SPECC1L: variants seen among roughly 807,000 people sequenced by gnomAD.
SPECC1L encodes the protein sperm antigen with calponin homology and coiled-coil domains 1 like, also known as cytospin-A.
A neutral mutation model predicts 116.8 loss-of-function variants in SPECC1L; 40 were observed. The observed-to-expected ratio is 0.34, with a 90% confidence interval of 0.27 to 0.45. The LOEUF is 0.45. Ranked by LOEUF, SPECC1L falls within the 20% of genes least tolerant of loss-of-function variation. SPECC1L has a pLI of 1.00. For synonymous variants in SPECC1L, 504 were observed against 500.6 expected (o/e 1.01, Z -0.09); for missense variants, 1,110 against 1,373.6 (o/e 0.81, Z 3.03).
At chr22:24,339,875 C>G (rs1038626253) in intron 10 of SPECC1L, among the ~76,000 whole-genome samples, 4 of 152,040 alleles carry the variant, frequency 2.6e-5, no homozygotes, top group Non-Finnish European at 5.9e-5. Context: ...ACCTCTGCCT[C>G]CCAGGCCCAA....
intron 1 of SPECC1L, among the ~76,000 whole-genome samples, chr22:24,271,634 A>G (rs2048729296): frequency 6.6e-6 from 1 of 152,266 alleles, no homozygotes; most frequent in African/African-American, 2.4e-5. Context: ...AGTCTAAGAC[A>G]TCATAGTCGC....
intron 11 of SPECC1L, among the ~76,000 whole-genome samples, chr22:24,351,734 C>G (rs2041428315): frequency 6.6e-6 from 1 of 152,184 alleles, no homozygotes; most frequent in Admixed American, 6.5e-5. Flanking sequence ...CTGTGGTTTT[C>G]CAAATTGTGA....
At chr22:24,313,994 C>T (rs954659320) in intron 4 of SPECC1L, among the ~76,000 whole-genome samples, 11 of 152,118 alleles carry the variant, frequency 7.2e-5, no homozygotes, top group African/African-American at 9.7e-5. Flanking sequence ...GCCTTGGCCT[C>T]CCAAAGTGTT....
At chr22:24,350,753 A>G (rs984081961) in intron 11 of SPECC1L, among the ~76,000 whole-genome samples, 1 of 152,198 alleles carries the variant, frequency 6.6e-6, no homozygotes, top group Non-Finnish European at 1.5e-5. Flanking sequence ...AGTTCTGTCA[A>G]TAGTCAGCCT....
chr22:24,325,701 G>A lies in SPECC1L; in HGVS notation c.2146+1274G>A, dbSNP rs56135049. Among the ~76,000 whole-genome samples, 1,125 of 152,118 alleles carry A rather than the reference G, an allele frequency of 7.4e-3. 5 individuals carry two copies. Among genetic ancestry groups the A allele is most frequent in the South Asian group, 0.013 (61 of 4,820 alleles). ...GGTCAATAAAGAGAAAAAGAGCAAA[G>A]GAATGAATGCAACTTGAGAATTTAT... On this transcript the variant is annotated intron_variant, in intron 6 of 16. Transcript: ENST00000314328.
At chr22:24,412,534 C>T in intron 15 of SPECC1L, 114 bp from the exon 16 acceptor site, 1 of 946,094 alleles carries the variant, frequency 1.1e-6, no homozygotes, top group Non-Finnish European at 1.7e-6. Flanking sequence ...TGTTGTGGCA[C>T]CAGGTAGAGG....
At chr22:24,302,536 C>G (rs1197338145) in intron 3 of SPECC1L, 152 bp downstream of exon 3, 1 of 979,000 alleles carries the variant, frequency 1.0e-6, no homozygotes, top group Admixed American at 1.9e-5. Context: ...TGGGGTGGAC[C>G]TAATTGCTGT....
chr22:24,279,594 T>C (rs543156960), intron 2 of SPECC1L, among the ~76,000 whole-genome samples: 3 of 151,910 alleles, frequency 2.0e-5, no homozygotes, highest in Non-Finnish European at 4.4e-5. Flanking sequence ...TTATTTATTA[T>C]TTTAGAAACA....
intron 11 of SPECC1L, among the ~76,000 whole-genome samples, chr22:24,349,880 T>C (rs1051700334): frequency 3.9e-5 from 6 of 152,218 alleles, no homozygotes; most frequent in Non-Finnish European, 8.8e-5. Flanking sequence ...TTCTTGACAC[T>C]GTAGCTTGAA....
chr22:24,295,991 G>C (rs2049254198), intron 2 of SPECC1L, among the ~76,000 whole-genome samples: 1 of 152,196 alleles, frequency 6.6e-6, no homozygotes, highest in Non-Finnish European at 1.5e-5. Context: ...CATTGGACAA[G>C]TAGACAAATC....
At position 24,328,897 on chromosome 22, in the gene SPECC1L, A is replaced by C. The variant is rs1242094125; in HGVS notation, c.2198A>C (p.Lys733Thr). Residue 733 changes from lysine (K) to threonine (T), a missense_variant, in exon 7 of 17, where the codon AAG becomes ACG. Transcript: ENST00000314328. ...AAGCACGACATGGAAAGAGAAATAA[A>C]GACACTCCACAGAAGACTTCGGGTA... ...DQKHDMEREI[K>T]TLHRRLREES... is the part of the protein sequence containing the mutation. 6.2e-7 allele frequency: 1 copy of C among 1,613,640 alleles called. No individual in the cohort carries two copies. The highest frequency in any genetic ancestry group is 8.5e-7 in the Non-Finnish European group (1 of 1,179,708).
In SPECC1L at chr22:24,322,145, A is replaced by C; in HGVS notation, c.1165A>C (p.Ser389Arg). The change falls in exon 5 of 17, where the codon AGT becomes CGT. Residue 389 changes from serine (S) to arginine (R), a missense_variant. Physicochemically the swap from Ser to Arg is moderately radical, Grantham distance 110. This residue lies in a region of SPECC1L where 437 missense variants were observed against 482.6 expected (regional missense o/e 0.91). Coordinates refer to ENST00000314328, the MANE Select transcript of SPECC1L (RefSeq NM_015330.6). ...CCGGAAGGGGAGCAGCGGGAATGCC[A>C]GTGAAGTGTCCGTGGCTTGCCTGAC... ...RSRKGSSGNA[S>R]EVSVACLTER... is the part of the protein sequence containing the mutation. The C allele has an allele frequency of 6.2e-7, 1 of 1,614,014 alleles. No individual in the cohort carries two copies. The highest frequency in any genetic ancestry group is 8.5e-7 in the Non-Finnish European group (1 of 1,180,042).
At chr22:24,327,296 A>AAAAAAAAAAAAAAAAAAAC (rs1556236760) in intron 6 of SPECC1L, among the ~76,000 whole-genome samples, 4 of 150,064 alleles carry the variant, frequency 2.7e-5, no homozygotes, top group South Asian at 2.1e-4. Flanking sequence ...AAAAAAAAAA[A>AAAAAAAAAAAAAAAAAAAC]AAAAAACATC....
Position 24,417,427 on chromosome 22 carries a change from G to T in SPECC1L, c.*2804G>T, listed in dbSNP as rs973603435. ...TGGGCAGATCCTGACCAGGAGTCCA[G>T]GGTGGCCTCCCCTGGGCCACAGCAC... On this transcript the variant is annotated 3_prime_UTR_variant, in exon 17 of 17. Coordinates refer to ENST00000314328, the MANE Select transcript of SPECC1L (RefSeq NM_015330.6). 3.3e-5 allele frequency: 5 copies of T among 152,300 alleles called. No individual in the cohort carries two copies. The highest frequency in any genetic ancestry group is 7.3e-5 in the Non-Finnish European group (5 of 68,052). 9.4% of individuals were successfully genotyped at this position (152,300 alleles called of 1,614,324 possible).
chr22:24,368,801 C>T (rs1293258725), intron 13 of SPECC1L, among the ~76,000 whole-genome samples: 1 of 152,170 alleles, frequency 6.6e-6, no homozygotes, highest in Admixed American at 6.5e-5. Flanking sequence ...CACCCGCCAC[C>T]ATGCCCAGCT....
At chr22:24,318,583 G>A (rs1326845676) in intron 4 of SPECC1L, among the ~76,000 whole-genome samples, 1 of 152,034 alleles carries the variant, frequency 6.6e-6, no homozygotes, top group East Asian at 1.9e-4. Context: ...ATAAGGATGT[G>A]GTACCACTTG....
At chr22:24,358,348 C>T (rs1375434372) in intron 11 of SPECC1L, among the ~76,000 whole-genome samples, 1 of 152,018 alleles carries the variant, frequency 6.6e-6, no homozygotes, top group Non-Finnish European at 1.5e-5. Flanking sequence ...GCTCATGCTC[C>T]TCCTCCTGCG....
intron 3 of SPECC1L, among the ~76,000 whole-genome samples, chr22:24,303,844 G>GGT (rs3031935): frequency 0.22 from 32,208 of 143,798 alleles, 3,455 homozygotes; most frequent in African/African-American, 0.23. Flanking sequence ...GTTTAAATAG[G>GGT]GTGTGTGTGT....
chr22:24,302,516 G>A, intron 3 of SPECC1L, 132 bp downstream of exon 3: 1 of 1,185,294 alleles, frequency 8.4e-7, no homozygotes. Context: ...CCTTTGAAGA[G>A]AGCTTACAGT....
Sources: gnomAD v4.1 joint callset for allele counts (sites outside exome capture counted in the v4.1 genomes callset) on GRCh38, gnomAD v4.1.1 for gene constraint, gnomAD v4.1.1 regional missense constraint, MANE v1.5 for transcripts, NCBI Gene and HGNC (gene_info 2026-07-23, HGNC 2026-07-21) for gene names.